PIH1D2: variants seen among roughly 807,000 people sequenced by gnomAD.
The protein encoded by PIH1D2 is PIH1 domain-containing protein 2.
A neutral mutation model predicts 31.2 loss-of-function variants in PIH1D2; 25 were observed. The ratio of observed to expected loss-of-function variants is 0.80; its 90% CI spans 0.58 to 1.12. The LOEUF (loss-of-function observed/expected upper bound fraction) is 1.12. Ranked by LOEUF, PIH1D2 falls within the 50% of genes most tolerant of loss-of-function variation. The pLI, the probability that PIH1D2 is intolerant of heterozygous loss-of-function variation, is 0.00. For missense variants in PIH1D2, 310 were observed against 356.6 expected (o/e 0.87, Z 1.05); for synonymous variants, 116 against 119.9 (o/e 0.97, Z 0.21).
In PIH1D2 at chr11:112,068,023, A is replaced by G. The variant is rs1864993726; in HGVS notation, c.814-18T>C. ...AAATCATCCTAAGAATAATAAACCA[A>G]GAGATTTATTTCCTGCTTAAAATTT... On this transcript the variant is annotated intron_variant, in intron 5 of 5. Transcript: ENST00000280350. 1 of 1,491,246 alleles carries G rather than the reference A, an allele frequency of 6.7e-7. No individual in the cohort carries two copies. Among genetic ancestry groups the G allele is most frequent in the Admixed American group, 1.9e-5 (1 of 53,434 alleles). The allele number at this position is 1,491,246 out of a possible 1,614,324, so 92.4% of individuals were successfully genotyped here. A position where few individuals can be genotyped will look rare whatever the true frequency, so the allele number is the denominator to read the frequency against.
chr11:112,060,563 T>TCGA (rs2135162021), downstream of PIH1D2, among the ~76,000 whole-genome samples: 1 of 152,254 alleles, frequency 6.6e-6, no homozygotes, highest in South Asian at 2.1e-4. Context: ...CAAGCAATTC[T>TCGA]CCTACCTCTG....
chr11:112,055,235 A>ATTTTTTTTT, the PIH1D2 span, among the ~76,000 whole-genome samples: 1 of 75,444 alleles, frequency 1.3e-5, no homozygotes, highest in Non-Finnish European at 2.5e-5. Context: ...GTCAAGGCCT[A>ATTTTTTTTT]TTTTTTTTTT....
At position 112,067,927 on chromosome 11, in the gene PIH1D2, T is replaced by C; in HGVS notation, c.892A>G (p.Thr298Ala). Residue 298 changes from threonine to alanine, a missense_variant, in exon 6 of 6, where the codon ACA (threonine) becomes GCA (alanine). Thr to Ala is a moderately conservative substitution (Grantham distance 58). Transcript: ENST00000280350. The stretch of plus-strand genomic sequence containing the variant: ...GATTTTTCTTTGATAAATTTTGCTG[T>C]GGTCATTTCAGTATCAATAAGTTTT... ...LPKLIDTEMT[T>A]AKFIKEKSTL... 1 of 1,610,652 alleles carries C rather than the reference T, an allele frequency of 6.2e-7. No homozygotes were observed. Among genetic ancestry groups the C allele is most frequent in the Non-Finnish European group, 8.5e-7 (1 of 1,177,460 alleles).
intron 4 of PIH1D2, 75 bp downstream of exon 4, chr11:112,070,963 T>C: frequency 8.8e-6 from 13 of 1,472,672 alleles, no homozygotes; most frequent in Non-Finnish European, 1.2e-5. Flanking sequence ...TAGAGATTTC[T>C]AGTTTGCAAA....
intron 2 of PIH1D2, among the ~76,000 whole-genome samples, chr11:112,072,034 A>T (rs1484797607): frequency 6.6e-6 from 1 of 152,042 alleles, no homozygotes; most frequent in African/African-American, 2.4e-5. Flanking sequence ...CGGAGGTTGC[A>T]GTGAGCCAAG....
At chr11:112,062,873 G>T, downstream of PIH1D2, 1 of 279,430 alleles carries the variant, frequency 3.6e-6, no homozygotes, top group Non-Finnish European at 7.0e-6. Flanking sequence ...AGTACATAAA[G>T]GTGACCCTGA....
the PIH1D2 span, among the ~76,000 whole-genome samples, chr11:112,055,700 A>G: frequency 6.6e-6 from 1 of 151,716 alleles, no homozygotes; most frequent in Non-Finnish European, 1.5e-5. Context: ...TTTCCGTGCT[A>G]TGGCCACCGT....
rs781913390 is a variant in PIH1D2 at position 112,073,033 on chromosome 11, G to C, written c.142C>G (p.Pro48Ala). ...LKEGKQLCAA[P>A]EPQLCLQTRI... Reference sequence around the variant, plus strand: ...GTCTGTAGACAAAGCTGTGGTTCTGGGGCAGCACAGAGCTGTTTCCCTTCT... The same window carrying C: ...GTCTGTAGACAAAGCTGTGGTTCTGCGGCAGCACAGAGCTGTTTCCCTTCT... The change falls in exon 2 of 6, where the codon CCA becomes GCA. Residue 48 changes from proline (P) to alanine (A), a missense_variant. Coordinates refer to ENST00000280350, the MANE Select transcript of PIH1D2 (RefSeq NM_138789.4). 6.2e-7 allele frequency: 1 copy of C among 1,613,898 alleles called. No homozygotes were observed. Among genetic ancestry groups the C allele is most frequent in the South Asian group, 1.1e-5 (1 of 91,046 alleles).
intron 2 of PIH1D2, chr11:112,072,673 G>A (rs1374574990): frequency 3.1e-5 from 5 of 161,904 alleles, no homozygotes; most frequent in Non-Finnish European, 4.0e-5. Flanking sequence ...AGACCAGCCT[G>A]GCCAACATGG....
chr11:112,060,158 ATTTTTTTTTTTTT>A (rs782188808), downstream of PIH1D2: 2 of 568,680 alleles, frequency 3.5e-6, no homozygotes, highest in Admixed American at 3.7e-5. Context: ...CTGTCACGTA[ATTTTTTTTTTTTT>A]TTTTTTTTTT....
the PIH1D2 span, among the ~76,000 whole-genome samples, chr11:112,054,904 A>G: frequency 6.6e-6 from 1 of 152,118 alleles, no homozygotes; most frequent in African/African-American, 2.4e-5. Flanking sequence ...CCATCTTTAC[A>G]TGGCCTTCTC....
downstream of PIH1D2, chr11:112,062,294 AG>A: frequency 1.8e-6 from 2 of 1,112,678 alleles, no homozygotes; most frequent in Non-Finnish European, 2.7e-6. Context: ...AAGAGTAGAT[AG>A]GAAGTATTAC....
At position 112,073,194 on chromosome 11, in the gene PIH1D2, A is replaced by T; in HGVS notation, c.-20T>A. On this transcript the variant is annotated 5_prime_UTR_variant, in exon 2 of 6. Transcript: ENST00000280350. Reference sequence around the variant, plus strand: ...CTCCATGACTTATGAGTGGTGAATAATTTTCTTAAGCCTGTGGAAAAACAC... The same window carrying T: ...CTCCATGACTTATGAGTGGTGAATATTTTTCTTAAGCCTGTGGAAAAACAC... 6.4e-7 allele frequency: 1 copy of T among 1,555,270 alleles called. No homozygotes were observed. Among genetic ancestry groups the T allele is most frequent in the Non-Finnish European group, 8.7e-7 (1 of 1,143,200 alleles).
intron 5 of PIH1D2, chr11:112,070,036 T>A: frequency 3.9e-6 from 1 of 256,116 alleles, no homozygotes. Context: ...GAGTGTAGAC[T>A]GGTAGACTGT....
At chr11:112,055,178 C>G in the PIH1D2 span, among the ~76,000 whole-genome samples, 1 of 151,464 alleles carries the variant, frequency 6.6e-6, no homozygotes, top group Non-Finnish European at 1.5e-5. Context: ...TTTCTGGAGC[C>G]TGGCAGAAAT....
chr11:112,062,038 G>A (rs782524809), downstream of PIH1D2, among the ~76,000 whole-genome samples: 1 of 152,178 alleles, frequency 6.6e-6, no homozygotes, highest in Non-Finnish European at 1.5e-5. Flanking sequence ...TCTAGGTGAG[G>A]AGTCAGCATG....
At chr11:112,064,372 T>C, downstream of PIH1D2, 1 of 634,246 alleles carries the variant, frequency 1.6e-6, no homozygotes. Context: ...TATTTAAAAA[T>C]TAAAGTATAA....
chr11:112,061,069 T>A, downstream of PIH1D2: 1 of 1,611,092 alleles, frequency 6.2e-7, no homozygotes. Flanking sequence ...AATTTAGGAA[T>A]GTTTGGAATT....
downstream of PIH1D2, chr11:112,062,380 T>A (rs1555183353): frequency 1.2e-6 from 2 of 1,611,834 alleles, no homozygotes; most frequent in Admixed American, 3.3e-5. Flanking sequence ...TTTCAGAATA[T>A]CTAAAATGTC....
Sources: gnomAD v4.1 joint callset for allele counts (sites outside exome capture counted in the v4.1 genomes callset) on GRCh38, gnomAD v4.1.1 for gene constraint, MANE v1.5 for transcripts, NCBI Gene and HGNC (gene_info 2026-07-23, HGNC 2026-07-21) for gene names.